Variants in C3 observed in about 807,000 individuals in gnomAD.
C3 encodes the protein complement C3.
Under a neutral mutation model 207.9 loss-of-function variants are expected in C3, and 97 were observed. That is an observed-to-expected ratio of 0.47 (90% CI 0.40 to 0.55). The LOEUF is 0.55. Among genes scored for constraint, C3 ranks in the 20% least tolerant of loss-of-function variants. The probability of loss-of-function intolerance (pLI) is 0.00; values close to 1 mark genes in which losing one functional copy is unlikely to be tolerated. For synonymous variants in C3, 848 were observed against 857.6 expected (o/e 0.99, Z 0.20); for missense variants, 1,684 against 2,171.7 (o/e 0.78, Z 4.46).
chr19:6,680,627 G>A (rs187125644), intron 35 of C3, among the ~76,000 whole-genome samples: 1 of 152,280 alleles, frequency 6.6e-6, no homozygotes, highest in Admixed American at 6.5e-5. Context: ...AGACTACATG[G>A]AGCAGAGGGA....
intron 33 of C3, chr19:6,683,490 G>A (rs1211368095): frequency 6.2e-5 from 6 of 96,498 alleles, no homozygotes; most frequent in South Asian, 7.0e-4. Context: ...TTGCTCTTTC[G>A]CCCAGGCTGG....
chr19:6,717,645 TGTGTGTG>T (rs1968065059), intron 4 of C3: 5 of 200,966 alleles, frequency 2.5e-5, no homozygotes, highest in Non-Finnish European at 3.1e-5. Flanking sequence ...GGTTGTGTGT[TGTGTGTG>T]GTGTGGTTAT....
At chr19:6,713,799 AC>A (rs1967973714) in intron 7 of C3, 192 bp downstream of exon 7, 1 of 102,410 alleles carries the variant, frequency 9.8e-6, no homozygotes, top group Non-Finnish European at 1.8e-5. Flanking sequence ...ACCTGGTCCC[AC>A]CCCCAGCCCC....
chr19:6,682,086 C>A, intron 34 of C3, 56 bp from the exon 35 acceptor site: 1 of 1,602,690 alleles, frequency 6.2e-7, no homozygotes, highest in Non-Finnish European at 8.6e-7. Flanking sequence ...CTCCCTGCAG[C>A]CTCTTCCAGA....
At chr19:6,696,510 C>A (rs1399142877) in intron 22 of C3, 45 bp from the exon 23 acceptor site, 10 of 1,593,216 alleles carry the variant, frequency 6.3e-6, no homozygotes, top group Non-Finnish European at 6.9e-6. Context: ...CTCCCTCCCG[C>A]CCTATCCTAC....
rs1967988212 is a variant in C3, at chr19:6,714,382, G to C, written c.569C>G (p.Pro190Arg). 1 of 1,613,746 alleles carries C rather than the reference G, an allele frequency of 6.2e-7. No individual in the cohort carries two copies. Among genetic ancestry groups the C allele is most frequent in the African/African-American group, 1.3e-5 (1 of 74,930 alleles). Residue 190 changes from proline (P) to arginine (R), a missense_variant, in exon 5 of 41, where the codon CCC becomes CGC. Pro to Arg is a moderately radical substitution (Grantham distance 103). Around this residue, in one of 3 missense-constraint regions of C3, gnomAD observed 1,280 missense variants for 1,739.1 expected, o/e 0.74. Coordinates refer to ENST00000245907, the MANE Select transcript of C3 (RefSeq NM_000064.4). ...GAGTTCCGGAATGTCCCAAGACAAG[G>C]GCAAGACGCCAAGCTGGTTCTGAGA... ...LSSQNQLGVLPLSWDIPELVN... is the reference protein window; with the variant it reads ...LSSQNQLGVLRLSWDIPELVN...
Position 6,684,402 on chromosome 19 carries a change from A to T in C3, c.4158T>A (p.Leu1386=). The change falls in exon 33 of 41, where the codon CTT becomes CTA. Residue 1386 remains leucine (L), a synonymous_variant. Transcript: ENST00000245907. The part of the protein sequence containing the change: ...RPQDAKNTMI[L]EICTRYRGDQ... Reference sequence around the variant, plus strand: ...TAGCTTCTTACCTGGTACAGATCTCAAGGATCATAGTGTTCTTGGCATCCT... The same window carrying T: ...TAGCTTCTTACCTGGTACAGATCTCTAGGATCATAGTGTTCTTGGCATCCT... 6.2e-7 allele frequency: 1 copy of T among 1,613,878 alleles called. No individual in the cohort carries two copies. Among genetic ancestry groups the T allele is most frequent in the Non-Finnish European group, 8.5e-7 (1 of 1,179,724 alleles).
chr19:6,697,588 T>C, intron 20 of C3, 32 bp from the exon 21 acceptor site: 1 of 1,613,606 alleles, frequency 6.2e-7, no homozygotes, highest in Non-Finnish European at 8.5e-7. Context: ...CGGGCAAGTG[T>C]GTGTGCAACA....
At chr19:6,708,057 G>A in intron 14 of C3, 128 bp from the exon 15 acceptor site, 1 of 1,014,132 alleles carries the variant, frequency 9.9e-7, no homozygotes, top group Non-Finnish European at 1.5e-6. Flanking sequence ...CCCCATTCCT[G>A]CTTCTGCCCT....
intron 7 of C3, 48 bp downstream of exon 7, chr19:6,713,944 C>T (rs202100001): frequency 1.1e-5 from 14 of 1,289,468 alleles, no homozygotes; most frequent in Non-Finnish European, 1.4e-5. Context: ...CTGGTCTTCA[C>T]CTGGTCCCTC....
chr19:6,683,698 GC>G (rs1917925878), intron 33 of C3, among the ~76,000 whole-genome samples: 1 of 152,046 alleles, frequency 6.6e-6, no homozygotes, highest in African/African-American at 2.4e-5. Flanking sequence ...TGATCTGCCC[GC>G]CTCAGCCTCC....
At chr19:6,706,854 C>CTCCTCCCTCCTCAGACGGAGGTT (rs1169684567) in intron 17 of C3, among the ~76,000 whole-genome samples, 60 of 140,456 alleles carry the variant, frequency 4.3e-4, no homozygotes, top group African/African-American at 1.8e-3. Flanking sequence ...AGACAGGGAC[C>CTCCTCCCTCCTCAGACGGAGGTT]TCCTCCCTCC....
intron 29 of C3, among the ~76,000 whole-genome samples, chr19:6,685,683 C>T (rs1023915004): frequency 2.6e-5 from 4 of 152,110 alleles, no homozygotes; most frequent in African/African-American, 9.7e-5. Flanking sequence ...AGAGGGTTTG[C>T]GTAATGCCCC....
intron 11 of C3, among the ~76,000 whole-genome samples, chr19:6,711,995 A>G (rs1967931682): frequency 6.6e-6 from 1 of 152,084 alleles, no homozygotes; most frequent in Non-Finnish European, 1.5e-5. Context: ...TGCAGACGGC[A>G]GGACCCCACT....
chr19:6,693,588 G>A (rs1332007556), intron 24 of C3, 101 bp from the exon 25 acceptor site: 1 of 990,790 alleles, frequency 1.0e-6, no homozygotes, highest in African/African-American at 1.6e-5. Flanking sequence ...CAGGGGCTCA[G>A]GGTGGCGGAG....
intron 27 of C3, among the ~76,000 whole-genome samples, chr19:6,688,693 CA>C (rs1467686112): frequency 1.3e-5 from 2 of 152,208 alleles, no homozygotes; most frequent in Non-Finnish European, 2.9e-5. Flanking sequence ...TCTGGTTTCA[CA>C]GCCTGTGCTA....
At chr19:6,709,925 G>C in intron 13 of C3, 83 bp from the exon 14 acceptor site, 1 of 1,408,498 alleles carries the variant, frequency 7.1e-7, no homozygotes, top group South Asian at 1.2e-5. Flanking sequence ...GGGCTAGAGT[G>C]GAAAGACAGA....
chr19:6,693,056 G>C lies in C3; in HGVS notation c.3258C>G (p.Phe1086Leu), dbSNP rs774030708. 1.9e-6 allele frequency: 3 copies of C among 1,614,056 alleles called. No homozygotes were observed. Among genetic ancestry groups the C allele is most frequent in the Non-Finnish European group, 2.5e-6 (3 of 1,180,036 alleles). ...TWLTAYVVKV[F>L]SLAVNLIAID... is the part of the protein sequence containing the mutation. ...TGGCGATGAGGTTGACAGCCAGAGA[G>C]AAGACCTTGACCACGTAGGCGGTCA... Residue 1086 changes from phenylalanine (F) to leucine (L), a missense_variant, in exon 26 of 41, where the codon TTC becomes TTG. By Grantham distance (22) the Phe-to-Leu change is conservative (BLOSUM62 0). This residue lies in a region of C3 where 1,280 missense variants were observed against 1,739.1 expected (regional missense o/e 0.74). Coordinates refer to ENST00000245907, the MANE Select transcript of C3 (RefSeq NM_000064.4).
intron 14 of C3, among the ~76,000 whole-genome samples, chr19:6,708,132 CA>C (rs1967822828): frequency 2.8e-5 from 2 of 70,372 alleles, no homozygotes; most frequent in Admixed American, 1.7e-4. Flanking sequence ...TTCTCTTTCT[CA>C]CTCTCTCTCT....
Sources: gnomAD v4.1 joint callset for allele counts (sites outside exome capture counted in the v4.1 genomes callset) on GRCh38, gnomAD v4.1.1 for gene constraint, gnomAD v4.1.1 regional missense constraint, MANE v1.5 for transcripts, NCBI Gene and HGNC (gene_info 2026-07-23, HGNC 2026-07-21) for gene names.